The following DISC1 variants were observed in gnomAD, a reference collection of about 807,000 sequenced individuals.
The protein encoded by DISC1 is DISC1 scaffold protein, also known as disrupted in schizophrenia 1 protein.
Under a neutral mutation model 84.5 loss-of-function variants are expected in DISC1, and 57 were observed. The ratio of observed to expected loss-of-function variants is 0.67; its 90% confidence interval spans 0.55 to 0.84. The LOEUF is 0.84. Among genes scored for constraint, DISC1 ranks in the 40% least tolerant of loss-of-function variants. DISC1 has a pLI of 0.00. For synonymous variants in DISC1, 411 were observed against 415.2 expected, an observed-to-expected ratio of 0.99 and a Z score of 0.12; for missense variants, 1,000 against 1,057.8, an observed-to-expected ratio of 0.95 and a Z score of 0.76.
At chr1:231,774,368 A>G (rs2076795796) in intron 6 of DISC1, among the ~76,000 whole-genome samples, 1 of 152,134 alleles carries the variant, frequency 6.6e-6, no homozygotes, top group Non-Finnish European at 1.5e-5. Context: ...TAATAACATG[A>G]CCTTTTTCTC....
At chr1:231,637,533 C>G (rs1196056158) in intron 1 of DISC1, among the ~76,000 whole-genome samples, 1 of 152,170 alleles carries the variant, frequency 6.6e-6, no homozygotes, top group African/African-American at 2.4e-5. Flanking sequence ...GTCTGTTATT[C>G]CACTTTCTAC....
At chr1:231,782,893 G>A (rs1349845696) in intron 6 of DISC1, among the ~76,000 whole-genome samples, 1 of 152,172 alleles carries the variant, frequency 6.6e-6, no homozygotes, top group African/African-American at 2.4e-5. Context: ...AGTGAGTGGA[G>A]ATCGTGTCAC....
rs138727616 is a variant in DISC1 at position 231,736,231 on chromosome 1, C to T, written c.1118-13695C>T. 7.0e-4 allele frequency among the ~76,000 whole-genome samples: 106 copies of T among 152,206 alleles called. 1 individual carries two copies. In the Middle Eastern group the frequency reaches 0.01, roughly 15 times the overall value. On this transcript the variant is annotated intron_variant, in intron 3 of 12. Transcript: ENST00000439617. ...TTCTGCCTTGTGGATCCCCCAGTAT[C>T]CAGGGACCCAGATCAAACAGATAGG...
chr1:231,750,019 T>G lies in DISC1; in HGVS notation c.1211T>G (p.Phe404Cys). ...LPSRQPALSS[F>C]LGHLAAQVQA... ...TCAAGGCAGCCAGCTCTTAGCAGTT[T>G]CCTGGGTCACCTGGCAGCACAAGTC... The change falls in exon 4 of 13, where the codon TTC becomes TGC. Residue 404 changes from phenylalanine (F) to cysteine (C), a missense_variant. Physicochemically the swap from Phe to Cys is radical, Grantham distance 205. Around this residue, in one of 3 missense-constraint regions of DISC1, gnomAD observed 311 missense variants for 400.1 expected, o/e 0.78. Transcript: ENST00000439617. The G allele has an allele frequency of 6.2e-7, 1 of 1,614,242 alleles. No individual in the cohort carries two copies. The highest frequency in any genetic ancestry group is 8.5e-7 in the Non-Finnish European group (1 of 1,180,036).
At chr1:231,647,048 G>T (rs1164556385) in intron 1 of DISC1, among the ~76,000 whole-genome samples, 1 of 152,168 alleles carries the variant, frequency 6.6e-6, no homozygotes, top group East Asian at 1.9e-4. Flanking sequence ...CTGTTGCTGT[G>T]CAGAAGCTCT....
In DISC1 at chr1:231,667,321, T is replaced by TA. The variant is rs1402572339; in HGVS notation, c.68-26505_68-26504insA. On this transcript the variant is annotated intron_variant, in intron 1 of 12. Coordinates refer to ENST00000439617, the MANE Select transcript of DISC1 (RefSeq NM_018662.3). ...CTGTCTGACTTCATTGGAGTTTACT[T>TA]CTTTTTAAATTGCAGACTCAGGGCT... is the stretch of plus-strand genomic sequence containing the variant. Among the ~76,000 whole-genome samples the TA allele has an allele frequency of 2.0e-5, 3 of 152,222 alleles. No homozygotes were observed. The East Asian group carries it at 5.8e-4, about 29-fold the overall frequency.
chr1:231,962,153 T>C (rs1387925211), intron 10 of DISC1, among the ~76,000 whole-genome samples: 2 of 152,220 alleles, frequency 1.3e-5, no homozygotes, highest in Non-Finnish European at 2.9e-5. Flanking sequence ...TTTTTTGTAT[T>C]TCTGTTGGCT....
intron 1 of DISC1, among the ~76,000 whole-genome samples, chr1:231,642,318 C>T (rs1363459087): frequency 1.3e-5 from 2 of 152,246 alleles, no homozygotes; most frequent in African/African-American, 4.8e-5. Flanking sequence ...CTGAGGGAGC[C>T]GGCTCCGGCC....
chr1:231,804,384 A>T (rs963862434), intron 8 of DISC1, among the ~76,000 whole-genome samples: 1 of 152,128 alleles, frequency 6.6e-6, no homozygotes, highest in Non-Finnish European at 1.5e-5. Flanking sequence ...GAAAAATATC[A>T]TGGAGCATCT....
chr1:231,847,715 G>A (rs977251558), intron 9 of DISC1, among the ~76,000 whole-genome samples: 2 of 152,064 alleles, frequency 1.3e-5, no homozygotes, highest in African/African-American at 4.8e-5. Flanking sequence ...CCCTTGTGCC[G>A]TTTTGGCCTC....
intron 10 of DISC1, among the ~76,000 whole-genome samples, chr1:231,960,639 T>C (rs1558783996): frequency 6.6e-6 from 1 of 152,214 alleles, no homozygotes; most frequent in Admixed American, 6.5e-5. Context: ...CACAATGCAA[T>C]AATCAACACA....
At position 231,704,321 on chromosome 1, in the gene DISC1, G is replaced by T. The variant is rs146239794; in HGVS notation, c.1117+2297G>T. Among the ~76,000 whole-genome samples, 7 of 152,260 alleles carry T rather than the reference G, an allele frequency of 4.6e-5. No homozygotes were observed. In the East Asian group the frequency reaches 1.4e-3, roughly 29 times the overall value. On this transcript the variant is annotated intron_variant, in intron 3 of 12. Coordinates refer to ENST00000439617, the MANE Select transcript of DISC1 (RefSeq NM_018662.3). ...TCAGCTCATCTGCAGTGCCCAGGAT[G>T]GGGGGTGGGAGTGGGTGAAGGGAAA... is the stretch of plus-strand genomic sequence containing the variant.
intron 1 of DISC1, among the ~76,000 whole-genome samples, chr1:231,641,149 G>C (rs1027953939): frequency 6.6e-6 from 1 of 152,196 alleles, no homozygotes; most frequent in African/African-American, 2.4e-5. Context: ...TCTTGTGCTG[G>C]GTAGGATGCT....
In DISC1 at chr1:231,892,068, C is replaced by G. The variant is rs1285403283; in HGVS notation, c.1982-66760C>G. Among the ~76,000 whole-genome samples the G allele has an allele frequency of 3.9e-5, 6 of 152,124 alleles. No homozygotes were observed. In the South Asian group the frequency reaches 1.0e-3, roughly 26 times the overall value. Reference sequence around the variant, plus strand: ...TGCTTGAAAGAGTCTCCTGCCCCCCCACCACCTTAGAACAGTTGCTGGCAT... The same window carrying G: ...TGCTTGAAAGAGTCTCCTGCCCCCCGACCACCTTAGAACAGTTGCTGGCAT... On this transcript the variant is annotated intron_variant, in intron 9 of 12. Transcript: ENST00000439617.
chr1:231,811,151 C>G (rs2080255558), intron 8 of DISC1, among the ~76,000 whole-genome samples: 1 of 152,214 alleles, frequency 6.6e-6, no homozygotes, highest in East Asian at 1.9e-4. Flanking sequence ...GCAAAGCCAG[C>G]CATGGGGCTC....
chr1:231,944,281 AT>A (rs140756393), intron 9 of DISC1, among the ~76,000 whole-genome samples: 8,574 of 152,148 alleles, frequency 0.056, 250 homozygotes, highest in Middle Eastern at 0.13. Context: ...CACTGCCCAG[AT>A]CCTTCTTCTG....
chr1:232,018,134 C>G (rs1558841060), intron 11 of DISC1, among the ~76,000 whole-genome samples: 1 of 152,126 alleles, frequency 6.6e-6, no homozygotes, highest in Non-Finnish European at 1.5e-5. Flanking sequence ...GTTTCCTTTT[C>G]CAAAGGTATT....
At position 231,649,265 on chromosome 1, in the gene DISC1, C is replaced by T. The variant is rs142448567; in HGVS notation, c.67+22331C>T. On this transcript the variant is annotated intron_variant, in intron 1 of 12. Transcript: ENST00000439617. ...GATTCTGGTATGTTGTGTCTTTGTT[C>T]GCATTAGTTTCGAAGAACACCTTTA... 3.1e-4 allele frequency among the ~76,000 whole-genome samples: 47 copies of T among 152,290 alleles called. No individual in the cohort carries two copies. In the East Asian group the frequency reaches 8.1e-3, roughly 26 times the overall value.
chr1:231,827,423 A>G (rs2081938135), intron 9 of DISC1, among the ~76,000 whole-genome samples: 1 of 152,250 alleles, frequency 6.6e-6, no homozygotes, highest in Non-Finnish European at 1.5e-5. Context: ...TTATATGGTC[A>G]CAGTTTTTTC....
Sources: allele counts gnomAD v4.1 joint callset (sites outside exome capture counted in the v4.1 genomes callset), GRCh38; gene constraint gnomAD v4.1.1; regional missense constraint gnomAD v4.1.1; transcripts MANE v1.5; gene names NCBI Gene and HGNC (gene_info 2026-07-23, HGNC 2026-07-21).